Variants in NSD1 observed in about 807,000 individuals in gnomAD.
NSD1 encodes the protein histone-lysine N-methyltransferase, H3 lysine-36 specific.
In NSD1, 26 loss-of-function variants were observed where a neutral mutation model predicts 242.7. The ratio of observed to expected loss-of-function variants is 0.11; its 90% CI spans 0.08 to 0.15. The LOEUF is 0.15. NSD1 is among the 10% of genes least tolerant of loss of function. NSD1 has a pLI of 1.00. For missense variants in NSD1, 2,495 were observed against 3,272.8 expected (o/e 0.76, Z 5.80); for synonymous variants, 1,106 against 1,178.1 (o/e 0.94, Z 1.25).
chr5:177,137,787 TA>T (rs890596742), intron 2 of NSD1, among the ~76,000 whole-genome samples: 20 of 149,226 alleles, frequency 1.3e-4, no homozygotes, highest in African/African-American at 3.7e-4. Context: ...TTGGTTCTAT[TA>T]AAAAAAAAAT....
intron 4 of NSD1, among the ~76,000 whole-genome samples, chr5:177,209,306 T>A (rs1763140507): frequency 6.6e-6 from 1 of 151,862 alleles, no homozygotes; most frequent in East Asian, 2.0e-4. Flanking sequence ...GGTGAGCGGA[T>A]CACTTCAGGT....
intron 14 of NSD1, chr5:177,264,753 G>GT: frequency 1.4e-6 from 1 of 728,254 alleles, no homozygotes; most frequent in Non-Finnish European, 2.5e-6. Flanking sequence ...CCATCTTCCT[G>GT]TAATTCGCCA....
intron 15 of NSD1, among the ~76,000 whole-genome samples, 187 bp downstream of exon 15, chr5:177,267,905 A>C (rs933132143): frequency 1.3e-5 from 2 of 151,208 alleles, no homozygotes; most frequent in East Asian, 3.9e-4. Flanking sequence ...TAGGAATAAT[A>C]CATGTTCTCT....
In NSD1 at chr5:177,300,179, A is replaced by G. The variant is rs1760530006; in HGVS notation, c.*4720A>G. The G allele has an allele frequency of 4.4e-6, 1 of 227,286 alleles. No homozygotes were observed. Among genetic ancestry groups the G allele is most frequent in the South Asian group, 1.8e-4 (1 of 5,484 alleles). 14.1% of individuals were successfully genotyped at this position (227,286 alleles called of 1,614,324 possible). A position where few individuals can be genotyped will look rare whatever the true frequency, so the allele number is the denominator to read the frequency against. On this transcript the variant is annotated 3_prime_UTR_variant, in exon 23 of 23. Coordinates refer to ENST00000439151, the MANE Select transcript of NSD1 (RefSeq NM_022455.5). ...TGTAATTCTTTGTATATAGAAAAAA[A>G]ATTTACTGTAAAGTAAAGTTTAACT...
At chr5:177,157,479 C>G (rs573146842) in intron 2 of NSD1, among the ~76,000 whole-genome samples, 8 of 151,832 alleles carry the variant, frequency 5.3e-5, no homozygotes, top group African/African-American at 1.9e-4. Context: ...GGGCAGATCA[C>G]TTGAGGTCAG....
chr5:177,278,702 T>C (rs896310938), intron 17 of NSD1, among the ~76,000 whole-genome samples: 1 of 152,234 alleles, frequency 6.6e-6, no homozygotes, highest in African/African-American at 2.4e-5. Context: ...ACTATACATA[T>C]ATTTCTTATT....
rs1011455120 is a variant in NSD1, at chr5:177,297,363, A to G, written c.*1904A>G. 11 of 230,108 alleles carry G rather than the reference A, an allele frequency of 4.8e-5. No homozygotes were observed. Among genetic ancestry groups the G allele is most frequent in the Non-Finnish European group, 7.7e-5 (9 of 116,226 alleles). 14.3% of individuals were successfully genotyped at this position (230,108 alleles called of 1,614,324 possible). A position where few individuals can be genotyped will look rare whatever the true frequency, so the allele number is the denominator to read the frequency against. Reference sequence around the variant, plus strand: ...CTTATTTTCTTTTAAAAGAATTTTAAACCATGAAAAAGATATTTTTAAAGA... The same window carrying G: ...CTTATTTTCTTTTAAAAGAATTTTAGACCATGAAAAAGATATTTTTAAAGA... On this transcript the variant is annotated 3_prime_UTR_variant, in exon 23 of 23. Coordinates refer to ENST00000439151, the MANE Select transcript of NSD1 (RefSeq NM_022455.5).
chr5:177,251,707 A>G, intron 11 of NSD1, 23 bp from the exon 12 acceptor site: 1 of 1,613,420 alleles, frequency 6.2e-7, no homozygotes, highest in Non-Finnish European at 8.5e-7. Flanking sequence ...AAAAACAGAT[A>G]GATGTTTTCT....
intron 2 of NSD1, among the ~76,000 whole-genome samples, chr5:177,188,248 C>G (rs994425888): frequency 6.6e-6 from 1 of 152,122 alleles, no homozygotes; most frequent in African/African-American, 2.4e-5. Context: ...TTAAAGTCGT[C>G]TTGCTTTTTT....
In NSD1 at chr5:177,202,753, CAT is replaced by C. The variant is rs544240256; in HGVS notation, c.1064-1366_1064-1365del. ...TTAAGAACCTCTGTATAGGTACACA[CAT>C]GTGTATATTAACCAGTTCCAGTTCC... On this transcript the variant is annotated intron_variant, in intron 3 of 22. Coordinates refer to ENST00000439151, the MANE Select transcript of NSD1 (RefSeq NM_022455.5). Among the ~76,000 whole-genome samples, 149 of 152,160 alleles carry C rather than the reference CAT, an allele frequency of 9.8e-4. 1 individual carries two copies. The highest frequency in any genetic ancestry group is 3.3e-3 in the African/African-American group (137 of 41,506).
chr5:177,151,733 C>T (rs1374772555), intron 2 of NSD1, among the ~76,000 whole-genome samples: 1 of 151,106 alleles, frequency 6.6e-6, no homozygotes, highest in Non-Finnish European at 1.5e-5. Flanking sequence ...ACTCTGTTGG[C>T]TAGGCTGGAG....
At chr5:177,169,808 C>T (rs78572808) in intron 2 of NSD1, among the ~76,000 whole-genome samples, 1 of 152,108 alleles carries the variant, frequency 6.6e-6, no homozygotes, top group Admixed American at 6.6e-5. Context: ...GAATGTATTC[C>T]AATATCAAAT....
intron 4 of NSD1, 54 bp downstream of exon 4, chr5:177,204,346 A>C: frequency 6.7e-7 from 1 of 1,501,328 alleles, no homozygotes; most frequent in Non-Finnish European, 9.3e-7. Context: ...AAGAAAAAGA[A>C]AGAAAATGGC....
At chr5:177,203,566 G>A (rs1762653693) in intron 3 of NSD1, among the ~76,000 whole-genome samples, 1 of 152,072 alleles carries the variant, frequency 6.6e-6, no homozygotes, top group Admixed American at 6.6e-5. Context: ...ACATTATTTT[G>A]GGGGTGTGGT....
chr5:177,213,897 CCTCTTGT>C (rs1763558617), intron 5 of NSD1, among the ~76,000 whole-genome samples: 1 of 152,102 alleles, frequency 6.6e-6, no homozygotes, highest in South Asian at 2.1e-4. Context: ...CTGGTTCATG[CCTCTTGT>C]AGTATGTATC....
upstream of NSD1, among the ~76,000 whole-genome samples, chr5:177,132,038 T>G (rs1755921039): frequency 6.6e-6 from 1 of 152,176 alleles, no homozygotes; most frequent in South Asian, 2.1e-4. This position sits in a 1 kb window ranked among gnomAD's most constrained non-coding sequence, Gnocchi z 7.5. Context: ...TTGGGCTCCC[T>G]GTCCCGCCCT....
rs1294250557 is a variant in NSD1 at position 177,295,515 on chromosome 5, G to A, written c.*56G>A. 9.0e-6 allele frequency: 14 copies of A among 1,556,240 alleles called. No homozygotes were observed. In the African/African-American group the frequency reaches 1.2e-4, roughly 14 times the overall value. On this transcript the variant is annotated 3_prime_UTR_variant, in exon 23 of 23. Transcript: ENST00000439151. This position sits in a 1 kb window ranked among gnomAD's most constrained non-coding sequence, Gnocchi z 4.3. ...TGCCCCCAGGGTACCATTTGGGGAG[G>A]GGAAATCTTTTCTTTCTTTCCCCCT...
rs899981762 is a variant in NSD1 at position 177,219,316 on chromosome 5, G to C, written c.3796+7121G>C. ...TTGTCCTGCCTCAGCCTCCCAAGTA[G>C]CTGGGATTACAGGTGCCTGCCACCA... On this transcript the variant is annotated intron_variant, in intron 5 of 22. Coordinates refer to ENST00000439151, the MANE Select transcript of NSD1 (RefSeq NM_022455.5). 2.0e-5 allele frequency among the ~76,000 whole-genome samples: 3 copies of C among 151,794 alleles called. No individual in the cohort carries two copies. The East Asian group carries it at 5.8e-4, about 29-fold the overall frequency.
chr5:177,240,266 G>A (rs1765750773), intron 8 of NSD1, among the ~76,000 whole-genome samples: 1 of 152,048 alleles, frequency 6.6e-6, no homozygotes, highest in Non-Finnish European at 1.5e-5. Context: ...GTCTGATTCT[G>A]TCACCCAGGC....
Sources: allele counts gnomAD v4.1 joint callset (sites outside exome capture counted in the v4.1 genomes callset), GRCh38; gene constraint gnomAD v4.1.1; non-coding constraint Gnocchi (gnomAD v3.1); transcripts MANE v1.5; gene names NCBI Gene and HGNC (gene_info 2026-07-23, HGNC 2026-07-21).